Variants in AGMO observed in about 807,000 individuals in gnomAD.
The protein encoded by AGMO is alkylglycerol monooxygenase.
AGMO carries 75 observed loss-of-function variants against 60.2 expected under a neutral mutation model. The ratio of observed to expected loss-of-function variants is 1.25; its 90% CI spans 1.03 to 1.51. The LOEUF (loss-of-function observed/expected upper bound fraction) is 1.51, where lower values mean the gene tolerates loss of function less well. Ranked by LOEUF, AGMO falls within the 40% of genes most tolerant of loss-of-function variation. The pLI is 0.00. For missense variants in AGMO, 763 were observed against 525.5 expected (o/e 1.45, Z -4.42); for synonymous variants, 261 against 177.1 (o/e 1.47, Z -3.76).
At chr7:15,314,771 T>A (rs1045975949) in intron 12 of AGMO, among the ~76,000 whole-genome samples, 2 of 152,064 alleles carry the variant, frequency 1.3e-5, no homozygotes, top group Admixed American at 6.6e-5. Flanking sequence ...AGCTTATGAA[T>A]CTTAAGACAA....
chr7:15,504,269 A>T (rs1285159122), intron 3 of AGMO, among the ~76,000 whole-genome samples: 6 of 152,030 alleles, frequency 3.9e-5, no homozygotes, highest in African/African-American at 7.2e-5. Flanking sequence ...GAATGCATCA[A>T]AATTTGTAAC....
At chr7:15,357,612 A>C (rs1253605712) in intron 12 of AGMO, among the ~76,000 whole-genome samples, 2 of 152,236 alleles carry the variant, frequency 1.3e-5, no homozygotes, top group African/African-American at 4.8e-5. Flanking sequence ...GGCTTCAAGA[A>C]GCCTTGCAAA....
At chr7:15,363,687 T>C (rs1196458981) in intron 12 of AGMO, among the ~76,000 whole-genome samples, 1 of 152,184 alleles carries the variant, frequency 6.6e-6, no homozygotes, top group Non-Finnish European at 1.5e-5. Context: ...TACATTGCCC[T>C]CCACCATCTC....
At chr7:15,487,270 T>A (rs1161949519) in intron 3 of AGMO, among the ~76,000 whole-genome samples, 1 of 152,106 alleles carries the variant, frequency 6.6e-6, no homozygotes, top group African/African-American at 2.4e-5. Context: ...ACTTAAAATG[T>A]ATATTATAAT....
chr7:15,397,486 C>T (rs1377110950), intron 5 of AGMO, among the ~76,000 whole-genome samples: 2 of 152,184 alleles, frequency 1.3e-5, no homozygotes, highest in African/African-American at 2.4e-5. Flanking sequence ...GCTCCTCGAG[C>T]GCGGCCAGAG....
intron 3 of AGMO, among the ~76,000 whole-genome samples, chr7:15,542,975 C>A (rs1784671869): frequency 6.6e-6 from 1 of 152,138 alleles, no homozygotes; most frequent in South Asian, 2.1e-4. Flanking sequence ...ATTTTAACAG[C>A]CTTGAGCATA....
intron 3 of AGMO, among the ~76,000 whole-genome samples, chr7:15,512,685 T>C (rs947935326): frequency 1.2e-4 from 19 of 152,206 alleles, no homozygotes; most frequent in Admixed American, 1.2e-3. Flanking sequence ...ACTATATGGA[T>C]TGGTATTCTC....
At chr7:15,139,076 C>T in the AGMO span, among the ~76,000 whole-genome samples, 1 of 152,118 alleles carries the variant, frequency 6.6e-6, no homozygotes, top group African/African-American at 2.4e-5. Flanking sequence ...CTACTCTCAA[C>T]CAATTAACCA....
chr7:15,380,224 C>A (rs1783620350), intron 10 of AGMO, among the ~76,000 whole-genome samples: 1 of 151,964 alleles, frequency 6.6e-6, no homozygotes, highest in African/African-American at 2.4e-5. Context: ...TCAAACTATC[C>A]CTATTTGCAG....
intron 3 of AGMO, among the ~76,000 whole-genome samples, chr7:15,452,785 A>C (rs1409374151): frequency 6.6e-6 from 1 of 152,230 alleles, no homozygotes; most frequent in Non-Finnish European, 1.5e-5. Flanking sequence ...ACACAGATGC[A>C]CTTCACAGCA....
the AGMO span, among the ~76,000 whole-genome samples, chr7:15,148,336 A>G: frequency 2.0e-5 from 3 of 151,884 alleles, no homozygotes; most frequent in Non-Finnish European, 4.4e-5. Context: ...ATTTTTTTCA[A>G]CTTTTATTTT....
chr7:15,248,318 C>G (rs925119147), intron 12 of AGMO, among the ~76,000 whole-genome samples: 6 of 148,264 alleles, frequency 4.0e-5, no homozygotes, highest in African/African-American at 1.5e-4. Context: ...ATATAGCATA[C>G]AAGAGGATCA....
chr7:15,400,474 G>C (rs1784523410), intron 5 of AGMO, among the ~76,000 whole-genome samples: 1 of 152,162 alleles, frequency 6.6e-6, no homozygotes, highest in South Asian at 2.1e-4. Context: ...GTGGGTATGA[G>C]TGTCATTCCG....
chr7:15,273,170 G>C (rs913719439), intron 12 of AGMO, among the ~76,000 whole-genome samples: 2 of 152,128 alleles, frequency 1.3e-5, no homozygotes, highest in African/African-American at 4.8e-5. Flanking sequence ...TCTTGCCATT[G>C]CTTTTGGTGT....
the AGMO span, among the ~76,000 whole-genome samples, chr7:15,184,466 GGAAGGAAGGAAAA>G: frequency 1.6e-5 from 2 of 124,528 alleles, no homozygotes; most frequent in Non-Finnish European, 3.3e-5. Context: ...GAGGTAAGAA[GGAAGGAAGGAAAA>G]GGAGGGAGGG....
At chr7:15,118,876 A>ATTTTTTTTT in the AGMO span, among the ~76,000 whole-genome samples, 6 of 81,760 alleles carry the variant, frequency 7.3e-5, no homozygotes, top group Non-Finnish European at 1.2e-4. Flanking sequence ...AGACGTCAGT[A>ATTTTTTTTT]TTTTTTTTTT....
chr7:15,446,729 G>A (rs752210959), intron 3 of AGMO, among the ~76,000 whole-genome samples: 2 of 152,146 alleles, frequency 1.3e-5, no homozygotes, highest in African/African-American at 2.4e-5. Flanking sequence ...ATACTTATTA[G>A]AAAACTGCTC....
intron 3 of AGMO, among the ~76,000 whole-genome samples, chr7:15,542,979 G>A (rs1280955804): frequency 6.6e-6 from 1 of 152,090 alleles, no homozygotes; most frequent in Non-Finnish European, 1.5e-5. Flanking sequence ...TAACAGCCTT[G>A]AGCATAACAC....
At chr7:15,477,798 T>C (rs1027012034) in intron 3 of AGMO, among the ~76,000 whole-genome samples, 9 of 152,292 alleles carry the variant, frequency 5.9e-5, no homozygotes, top group Middle Eastern at 3.4e-3. Context: ...TGTTATAAAA[T>C]TGGTTTCTCA....
Sources: allele counts gnomAD v4.1 joint callset (sites outside exome capture counted in the v4.1 genomes callset), GRCh38; gene constraint gnomAD v4.1.1; transcripts MANE v1.5; gene names NCBI Gene and HGNC (gene_info 2026-07-23, HGNC 2026-07-21).